Variants in UBAP1 observed in about 807,000 individuals in gnomAD.
UBAP1 encodes the protein ubiquitin-associated protein 1.
In UBAP1, 5 loss-of-function variants were observed where a neutral mutation model predicts 39.0. The observed-to-expected ratio is 0.13, with a 90% confidence interval of 0.07 to 0.27. The LOEUF is 0.27. Among genes scored for constraint, UBAP1 ranks in the 10% least tolerant of loss-of-function variants. The pLI, the probability that UBAP1 is intolerant of heterozygous loss-of-function variation, is 1.00. For missense variants in UBAP1, 490 were observed against 608.1 expected (o/e 0.81, Z 2.04); for synonymous variants, 211 against 225.1 (o/e 0.94, Z 0.56).
intron 4 of UBAP1, among the ~76,000 whole-genome samples, chr9:34,245,983 C>A (rs1834157294): frequency 1.3e-5 from 2 of 152,110 alleles, no homozygotes; most frequent in Admixed American, 6.6e-5. Flanking sequence ...ATACTGAGAT[C>A]TTGTCTTTGT....
chr9:34,181,117 T>TTTC (rs1491565493), intron 1 of UBAP1, among the ~76,000 whole-genome samples: 1 of 40,736 alleles, frequency 2.5e-5, no homozygotes, highest in Admixed American at 3.3e-4. Context: ...GCCTGTTTTC[T>TTTC]TTTTTTTTTT....
intron 1 of UBAP1, among the ~76,000 whole-genome samples, chr9:34,190,763 A>C (rs768191256): frequency 6.9e-6 from 1 of 145,134 alleles, no homozygotes; most frequent in Non-Finnish European, 1.5e-5. Context: ...CAGCCTCCCG[A>C]GTAGCTGGGA....
chr9:34,223,205 C>T (rs1038785931), intron 2 of UBAP1, among the ~76,000 whole-genome samples: 4 of 151,894 alleles, frequency 2.6e-5, no homozygotes, highest in African/African-American at 9.7e-5. Flanking sequence ...CCGAGGCGGG[C>T]GGATCACCTG....
chr9:34,233,476 A>G (rs181494487), intron 2 of UBAP1, among the ~76,000 whole-genome samples: 159 of 152,012 alleles, frequency 1.0e-3, no homozygotes, highest in South Asian at 1.5e-3. Context: ...ATTTTTTTCT[A>G]AAGTAGAGAA....
intron 1 of UBAP1, among the ~76,000 whole-genome samples, chr9:34,185,292 A>G (rs1310575112): frequency 6.6e-6 from 1 of 152,178 alleles, no homozygotes; most frequent in African/African-American, 2.4e-5. Context: ...TCATGCCTGT[A>G]GTCCCAGCAG....
At chr9:34,248,950 G>A (rs1389896472) in intron 4 of UBAP1, among the ~76,000 whole-genome samples, 1 of 152,220 alleles carries the variant, frequency 6.6e-6, no homozygotes, top group Admixed American at 6.5e-5. Context: ...GGAGTGTGCT[G>A]TCTTCCTGCC....
At chr9:34,226,125 G>GTGTGTGTGTGTGTGTT (rs1833064967) in intron 2 of UBAP1, among the ~76,000 whole-genome samples, 25 of 139,878 alleles carry the variant, frequency 1.8e-4, no homozygotes, top group Non-Finnish European at 2.5e-4. Context: ...GTGTGTGTGT[G>GTGTGTGTGTGTGTGTT]TGTGTGTGTG....
intron 2 of UBAP1, among the ~76,000 whole-genome samples, chr9:34,226,237 T>G (rs1201814247): frequency 1.3e-5 from 2 of 149,094 alleles, no homozygotes; most frequent in African/African-American, 4.9e-5. Context: ...CTTGTTTTTT[T>G]TTTTTTTTTT....
chr9:34,234,255 G>A lies in UBAP1; in HGVS notation c.74G>A (p.Gly25Glu). Residue 25 changes from glycine (G) to glutamate (E), a missense_variant, in exon 3 of 7, where the codon GGA becomes GAA. This residue lies in a region of UBAP1 where 144 missense variants were observed against 184.4 expected (regional missense o/e 0.78). Coordinates refer to ENST00000297661, the MANE Select transcript of UBAP1 (RefSeq NM_016525.5). ...SYLDDVPFKTGDKFKTPAKVG... is the reference protein window; with the variant it reads ...SYLDDVPFKTEDKFKTPAKVG... ...CTTGATGATGTCCCATTTAAGACAG[G>A]AGACAAATTCAAAACACCAGCTAAA... 1 of 1,612,706 alleles carries A rather than the reference G, an allele frequency of 6.2e-7. No homozygotes were observed. The highest frequency in any genetic ancestry group is 8.5e-7 in the Non-Finnish European group (1 of 1,179,764).
chr9:34,184,919 GC>G (rs1830308364), intron 1 of UBAP1, among the ~76,000 whole-genome samples: 1 of 140,226 alleles, frequency 7.1e-6, no homozygotes, highest in South Asian at 2.3e-4. Context: ...ACCGCGCCCA[GC>G]CAATCCTTTT....
At chr9:34,224,393 C>T (rs1235459216) in intron 2 of UBAP1, 21 of 420,502 alleles carry the variant, frequency 5.0e-5, no homozygotes, top group African/African-American at 6.2e-5. Flanking sequence ...TAGACAACAT[C>T]GATGATCCTT....
At chr9:34,196,832 T>A (rs1384058424) in intron 1 of UBAP1, among the ~76,000 whole-genome samples, 1 of 151,980 alleles carries the variant, frequency 6.6e-6, no homozygotes, top group Non-Finnish European at 1.5e-5. Flanking sequence ...CGCTCTAAGA[T>A]TTGCTTTTTA....
intron 6 of UBAP1, 71 bp from the exon 7 acceptor site, chr9:34,251,321 A>T: frequency 1.3e-6 from 2 of 1,535,252 alleles, no homozygotes; most frequent in Admixed American, 3.4e-5. Context: ...CGTCCCACAC[A>T]CACACTCCTT....
At chr9:34,197,533 G>C (rs1386009350) in intron 1 of UBAP1, among the ~76,000 whole-genome samples, 1 of 151,826 alleles carries the variant, frequency 6.6e-6, no homozygotes, top group Non-Finnish European at 1.5e-5. Context: ...TTTCTTTTGT[G>C]GTATCATGTT....
At chr9:34,243,346 T>C (rs1394357951) in intron 4 of UBAP1, among the ~76,000 whole-genome samples, 1 of 152,222 alleles carries the variant, frequency 6.6e-6, no homozygotes, top group African/African-American at 2.4e-5. Context: ...ACGCTTGTCA[T>C]TCTTTGACCA....
In UBAP1 at chr9:34,191,723, A is replaced by C. The variant is rs554013380; in HGVS notation, c.-8+12483A>C. On this transcript the variant is annotated intron_variant, in intron 1 of 6. Transcript: ENST00000297661. ...GCTTATGTATACAAAGCAAAGAACA[A>C]CACAGTGACTCCTGGTGGCAAACCA... 1.1e-4 allele frequency: 17 copies of C among 156,238 alleles called. No individual in the cohort carries two copies. The East Asian group carries it at 3.1e-3, about 29-fold the overall frequency. The allele number at this position is 156,238 out of a possible 1,614,324, so 9.7% of individuals were successfully genotyped here.
intron 3 of UBAP1, among the ~76,000 whole-genome samples, chr9:34,235,612 T>TA (rs1833658730): frequency 6.6e-6 from 1 of 152,194 alleles, no homozygotes; most frequent in Non-Finnish European, 1.5e-5. Flanking sequence ...GTGCTGGAAT[T>TA]ACAGGCGTGA....
intron 3 of UBAP1, among the ~76,000 whole-genome samples, chr9:34,238,167 C>T (rs1296056352): frequency 6.6e-6 from 1 of 152,154 alleles, no homozygotes; most frequent in Non-Finnish European, 1.5e-5. Context: ...AAGGTTTATC[C>T]ACGTTGTATG....
chr9:34,228,157 G>A (rs951945399), intron 2 of UBAP1, among the ~76,000 whole-genome samples: 1 of 151,826 alleles, frequency 6.6e-6, no homozygotes, highest in Non-Finnish European at 1.5e-5. Context: ...GATGGCTCAC[G>A]CCTTTAATCC....
Sources: gnomAD v4.1 joint callset for allele counts (sites outside exome capture counted in the v4.1 genomes callset) on GRCh38, gnomAD v4.1.1 for gene constraint, gnomAD v4.1.1 regional missense constraint, MANE v1.5 for transcripts, NCBI Gene and HGNC (gene_info 2026-07-23, HGNC 2026-07-21) for gene names.